PLAC1: variants seen among roughly 807,000 people sequenced by gnomAD.
The protein encoded by PLAC1 is placenta-specific protein 1.
For synonymous variants in PLAC1, 68 were observed against 62.1 expected (o/e 1.09, Z -0.44); for missense variants, 136 against 163.2 (o/e 0.83, Z 0.91).
At chrX:134,595,509 A>C (rs1225229073) in intron 2 of PLAC1, among the ~76,000 whole-genome samples, 1 of 109,202 alleles carries the variant, frequency 9.2e-6, no homozygotes. Context: ...TTTGCTTCAC[A>C]TATTTTGCTT....
At chrX:134,613,756 T>C (rs2078165564) in intron 1 of PLAC1, among the ~76,000 whole-genome samples, 1 of 110,726 alleles carries the variant, frequency 9.0e-6, no homozygotes, top group Non-Finnish European at 1.9e-5. Context: ...TCTGTTTCTA[T>C]GGCTTCGTCC....
At chrX:134,675,019 T>G (rs1346427210) in intron 2 of PLAC1, among the ~76,000 whole-genome samples, 1 of 112,186 alleles carries the variant, frequency 8.9e-6, no homozygotes, top group African/African-American at 3.2e-5. Context: ...GGGACCTCAG[T>G]TGTCCTAATC....
chrX:134,752,914 A>G (rs750099324), intron 1 of PLAC1, among the ~76,000 whole-genome samples: 44 of 111,888 alleles, frequency 3.9e-4, no homozygotes, highest in Non-Finnish European at 7.0e-4. Context: ...ATATGAGATA[A>G]TTGACATAGC....
chrX:134,621,274 C>T (rs780239899), intron 1 of PLAC1, among the ~76,000 whole-genome samples: 1 of 108,562 alleles, frequency 9.2e-6, no homozygotes, highest in East Asian at 2.9e-4. Context: ...GGTGAAATCC[C>T]ATCTCTACTA....
intron 2 of PLAC1, among the ~76,000 whole-genome samples, chrX:134,718,336 T>C (rs2078648902): frequency 1.8e-5 from 2 of 111,579 alleles, no homozygotes; most frequent in South Asian, 3.8e-4. Context: ...ACCTTTTTTT[T>C]CCCACTGCCT....
At chrX:134,671,190 G>A (rs2078454237) in intron 2 of PLAC1, among the ~76,000 whole-genome samples, 1 of 111,464 alleles carries the variant, frequency 9.0e-6, no homozygotes, top group Non-Finnish European at 1.9e-5. Context: ...TAGATCAATA[G>A]ACTGGCATGA....
chrX:134,624,179 T>A (rs751655388), intron 1 of PLAC1, among the ~76,000 whole-genome samples: 1 of 112,007 alleles, frequency 8.9e-6, no homozygotes, highest in East Asian at 2.8e-4. Flanking sequence ...TACAAAGGAA[T>A]CTGAAGGACG....
intron 2 of PLAC1, among the ~76,000 whole-genome samples, chrX:134,705,803 G>T (rs993075969): frequency 9.0e-6 from 1 of 111,626 alleles, no homozygotes; most frequent in Non-Finnish European, 1.9e-5. Flanking sequence ...ATTTTTGAAC[G>T]TCATAAAAGA....
chrX:134,609,980 G>T (rs2078144161), intron 1 of PLAC1, among the ~76,000 whole-genome samples: 1 of 80,072 alleles, frequency 1.2e-5, no homozygotes, highest in Admixed American at 1.5e-4. Flanking sequence ...ATCAGTGGAA[G>T]AAATTTTTTT....
At chrX:134,656,171 G>A (rs2078390726) in intron 1 of PLAC1, among the ~76,000 whole-genome samples, 1 of 111,952 alleles carries the variant, frequency 8.9e-6, no homozygotes, top group African/African-American at 3.3e-5. Flanking sequence ...AACCATCAAT[G>A]GCTATTTCCT....
chrX:134,604,187 G>A (rs976917092), intron 1 of PLAC1, among the ~76,000 whole-genome samples: 26 of 112,739 alleles, frequency 2.3e-4, no homozygotes, highest in African/African-American at 7.4e-4. Flanking sequence ...ATGCTGAAAT[G>A]GTTTCATTGG....
chrX:134,670,780 C>A (rs751566285), intron 2 of PLAC1, among the ~76,000 whole-genome samples: 1 of 112,188 alleles, frequency 8.9e-6, no homozygotes, highest in African/African-American at 3.2e-5. Flanking sequence ...GTCACGGGCA[C>A]CTTTGCCAAT....
chrX:134,609,142 G>T (rs1488021576), intron 1 of PLAC1, among the ~76,000 whole-genome samples: 1 of 110,587 alleles, frequency 9.0e-6, no homozygotes, highest in Non-Finnish European at 1.9e-5. Context: ...CTGGCCTGTG[G>T]TGCCATTCTT....
intron 2 of PLAC1, among the ~76,000 whole-genome samples, chrX:134,696,578 C>A (rs2078564086): frequency 9.0e-6 from 1 of 111,691 alleles, no homozygotes; most frequent in Non-Finnish European, 1.9e-5. Context: ...GGAGTCGTAG[C>A]TTGGCTCCTT....
intron 2 of PLAC1, among the ~76,000 whole-genome samples, chrX:134,596,433 GATTCCCACTTC>G (rs202004577): frequency 0.021 from 2,366 of 111,743 alleles, 61 homozygotes; most frequent in African/African-American, 0.071. Context: ...AGAATGTCTT[GATTCCCACTTC>G]ATTCCTGAAG....
intron 1 of PLAC1, among the ~76,000 whole-genome samples, chrX:134,625,030 C>T (rs1432452062): frequency 2.7e-5 from 3 of 111,702 alleles, no homozygotes; most frequent in Admixed American, 9.5e-5. Context: ...AGATCCACAT[C>T]GTATTTTGGG....
intron 2 of PLAC1, among the ~76,000 whole-genome samples, chrX:134,576,496 A>C (rs2077939902): frequency 9.4e-6 from 1 of 105,823 alleles, no homozygotes. Flanking sequence ...AGATCGTGCC[A>C]CTGCACTCCA....
At chrX:134,646,732 G>T (rs1037915039) in intron 1 of PLAC1, among the ~76,000 whole-genome samples, 1 of 112,119 alleles carries the variant, frequency 8.9e-6, no homozygotes, top group Non-Finnish European at 1.9e-5. Flanking sequence ...AGAAAGTTTT[G>T]GTTCAAAAGA....
At chrX:134,733,792 C>A (rs2078695623) in intron 1 of PLAC1, among the ~76,000 whole-genome samples, 1 of 110,570 alleles carries the variant, frequency 9.0e-6, no homozygotes, top group Non-Finnish European at 1.9e-5. Flanking sequence ...AGGCTCAAGG[C>A]TGGGAGCAGT....
Sources: allele counts gnomAD v4.1 joint callset (sites outside exome capture counted in the v4.1 genomes callset), GRCh38; gene constraint gnomAD v4.1.1; transcripts MANE v1.5; gene names NCBI Gene and HGNC (gene_info 2026-07-23, HGNC 2026-07-21).